Variants in PEAK1 observed in about 807,000 individuals in gnomAD.
PEAK1 encodes the protein pseudopodium enriched atypical kinase 1, also known as inactive tyrosine-protein kinase PEAK1.
In PEAK1, 54 loss-of-function variants were observed where a neutral mutation model predicts 124.7. The ratio of observed to expected loss-of-function variants is 0.43; its 90% confidence interval spans 0.35 to 0.54. The LOEUF is 0.54. Among genes scored for constraint, PEAK1 ranks in the 20% least tolerant of loss-of-function variants. PEAK1 has a pLI of 0.01. For missense variants in PEAK1, 2,046 were observed against 2,134.5 expected (o/e 0.96, Z 0.82); for synonymous variants, 719 against 760.0 (o/e 0.95, Z 0.89).
intron 6 of PEAK1, among the ~76,000 whole-genome samples, chr15:77,207,265 A>G (rs1327496039): frequency 6.6e-6 from 1 of 152,232 alleles, no homozygotes; most frequent in Non-Finnish European, 1.5e-5. Context: ...ATAACTTTAA[A>G]AAAGAACTGC....
intron 6 of PEAK1, among the ~76,000 whole-genome samples, chr15:77,242,090 T>A (rs2152912768): frequency 6.6e-6 from 1 of 152,220 alleles, no homozygotes; most frequent in East Asian, 1.9e-4. Flanking sequence ...AATTCTAGTA[T>A]TTACAGTATG....
chr15:77,239,281 T>C (rs2060255628), intron 6 of PEAK1, among the ~76,000 whole-genome samples: 1 of 152,230 alleles, frequency 6.6e-6, no homozygotes, highest in African/African-American at 2.4e-5. Context: ...CAGTAGTTTC[T>C]AACTCTAGAT....
At chr15:77,393,992 A>AGC (rs1305374317) in intron 1 of PEAK1, among the ~76,000 whole-genome samples, 2 of 152,088 alleles carry the variant, frequency 1.3e-5, no homozygotes, top group Admixed American at 6.5e-5. Context: ...GCCAGGCAGT[A>AGC]CTCACCACGG....
chr15:77,240,569 C>T (rs2060311034), intron 6 of PEAK1, among the ~76,000 whole-genome samples: 1 of 151,314 alleles, frequency 6.6e-6, no homozygotes, highest in South Asian at 2.1e-4. Context: ...TGCCGTGAGC[C>T]TGGGCAATAG....
chr15:77,192,465 T>C (rs967920247), intron 6 of PEAK1, among the ~76,000 whole-genome samples: 3 of 152,216 alleles, frequency 2.0e-5, no homozygotes, highest in Admixed American at 6.5e-5. Flanking sequence ...TGGATATTAA[T>C]ATACAAGGAG....
chr15:77,332,081 G>T, intron 2 of PEAK1: 2 of 584,076 alleles, frequency 3.4e-6, no homozygotes, highest in Non-Finnish European at 4.3e-6. Context: ...CTAAAAATAC[G>T]CCACTGCATT....
At chr15:77,419,450 A>G in intron 1 of PEAK1, 1 of 985,270 alleles carries the variant, frequency 1.0e-6, no homozygotes, top group Non-Finnish European at 1.2e-6. Flanking sequence ...GCCAGCCCAC[A>G]CGTTCGCGGG....
At chr15:77,357,027 G>A (rs1037192583) in intron 2 of PEAK1, among the ~76,000 whole-genome samples, 18 of 152,238 alleles carry the variant, frequency 1.2e-4, no homozygotes, top group Non-Finnish European at 2.9e-5. Context: ...AGCACTTTGG[G>A]AGGCTGAGGT....
chr15:77,333,179 C>G (rs1172734138), intron 2 of PEAK1: 1 of 933,614 alleles, frequency 1.1e-6, no homozygotes, highest in African/African-American at 1.8e-5. Context: ...GCAAAGAGGT[C>G]TCACTTTATT....
At chr15:77,264,703 C>T (rs2061623233) in intron 5 of PEAK1, among the ~76,000 whole-genome samples, 1 of 152,016 alleles carries the variant, frequency 6.6e-6, no homozygotes, top group Non-Finnish European at 1.5e-5. Context: ...AGATTCAATG[C>T]CATCCCCATC....
intron 8 of PEAK1, among the ~76,000 whole-genome samples, chr15:77,142,507 A>C (rs568410049): frequency 6.6e-6 from 1 of 152,360 alleles, no homozygotes; most frequent in South Asian, 2.1e-4. Context: ...CTTTATATGC[A>C]AATGTTCATA....
At chr15:77,115,930 T>G (rs1301311707) in intron 9 of PEAK1, among the ~76,000 whole-genome samples, 1 of 152,144 alleles carries the variant, frequency 6.6e-6, no homozygotes, top group African/African-American at 2.4e-5. Context: ...ACTGGTAGGG[T>G]TGAGAGAGTC....
intron 6 of PEAK1, among the ~76,000 whole-genome samples, chr15:77,223,909 T>TA: frequency 7.4e-6 from 1 of 135,994 alleles, no homozygotes. Context: ...TTTTTTTTTT[T>TA]ACTTATTTAT....
intron 5 of PEAK1, among the ~76,000 whole-genome samples, chr15:77,265,066 A>T (rs1445872514): frequency 6.6e-6 from 1 of 152,188 alleles, no homozygotes; most frequent in Non-Finnish European, 1.5e-5. Flanking sequence ...AGAAAGCTGA[A>T]ACTGGATCCC....
chr15:77,347,452 A>G (rs1297575704), intron 2 of PEAK1: 2 of 985,294 alleles, frequency 2.0e-6, no homozygotes, highest in Non-Finnish European at 2.4e-6. Flanking sequence ...ATTGTTCTAG[A>G]TAAGATCAAC....
intron 1 of PEAK1, among the ~76,000 whole-genome samples, chr15:77,365,986 A>G (rs948858796): frequency 6.6e-6 from 1 of 152,210 alleles, no homozygotes; most frequent in Non-Finnish European, 1.5e-5. Context: ...ACCAATGTCT[A>G]CTAAGTATGA....
chr15:77,323,278 G>T (rs1424567847), intron 2 of PEAK1, among the ~76,000 whole-genome samples: 1 of 151,870 alleles, frequency 6.6e-6, no homozygotes, highest in Non-Finnish European at 1.5e-5. Flanking sequence ...GGAAGTTCTG[G>T]CCAGGGCAAT....
intron 1 of PEAK1, among the ~76,000 whole-genome samples, chr15:77,388,914 T>G (rs2070198597): frequency 6.6e-6 from 1 of 151,998 alleles, no homozygotes; most frequent in Non-Finnish European, 1.5e-5. Flanking sequence ...TTTATTAACT[T>G]AACTTTCTTC....
intron 9 of PEAK1, among the ~76,000 whole-genome samples, chr15:77,125,135 C>A (rs1023265370): frequency 7.9e-5 from 12 of 151,958 alleles, no homozygotes; most frequent in African/African-American, 2.9e-4. Flanking sequence ...TTTGAAGGGT[C>A]AAGAAATATT....
Sources: allele counts gnomAD v4.1 joint callset (sites outside exome capture counted in the v4.1 genomes callset), GRCh38; gene constraint gnomAD v4.1.1; transcripts MANE v1.5; gene names NCBI Gene and HGNC (gene_info 2026-07-23, HGNC 2026-07-21).